ZNF185: variants seen among roughly 807,000 people sequenced by gnomAD.
The protein encoded by ZNF185 is zinc finger protein 185 with LIM domain, also known as zinc finger protein 185.
ZNF185 carries 56 observed loss-of-function variants against 58.6 expected under a neutral mutation model. The ratio of observed to expected loss-of-function variants is 0.95; its 90% confidence interval spans 0.77 to 1.19. The LOEUF is 1.19. ZNF185 is among the 50% of genes most tolerant of loss of function. ZNF185 has a pLI of 0.00. For synonymous variants in ZNF185, 230 were observed against 215.9 expected (o/e 1.07, Z -0.57); for missense variants, 627 against 573.5 (o/e 1.09, Z -0.95).
At chrX:152,911,377 C>G (rs1442523836), upstream of ZNF185, among the ~76,000 whole-genome samples, 1 of 111,249 alleles carries the variant, frequency 9.0e-6, no homozygotes, top group Non-Finnish European at 1.9e-5. Context: ...TGATTTTGCT[C>G]CCAGTCTTAG....
At chrX:152,938,640 G>C (rs1274973016) in intron 15 of ZNF185, among the ~76,000 whole-genome samples, 2 of 111,193 alleles carry the variant, frequency 1.8e-5, no homozygotes, top group African/African-American at 6.6e-5. Flanking sequence ...AGTGAACTAG[G>C]TAGGGCTTGA....
intron 7 of ZNF185, 75 bp from the exon 9 acceptor site, chrX:152,920,253 C>G (rs1373887630): frequency 4.6e-6 from 5 of 1,088,415 alleles, no homozygotes; most frequent in Non-Finnish European, 6.2e-6. Context: ...CACCCCGAGT[C>G]CATCCCAGGC....
exon 13 of ZNF185, chrX:152,931,752 G>A (rs1459705806): frequency 6.6e-6 from 8 of 1,208,037 alleles, no homozygotes; most frequent in Non-Finnish European, 8.9e-6. Flanking sequence ...GAGGCTTTCA[G>A]GGCCCCCAAC....
At chrX:152,943,276 G>A (rs2047437058) in intron 15 of ZNF185, among the ~76,000 whole-genome samples, 1 of 111,871 alleles carries the variant, frequency 8.9e-6, no homozygotes, top group Admixed American at 9.5e-5. Context: ...AATTACAGGC[G>A]TGAACCACTA....
intron 14 of ZNF185, among the ~76,000 whole-genome samples, chrX:152,937,244 T>C (rs1159191713): frequency 8.9e-6 from 1 of 111,818 alleles, no homozygotes; most frequent in Non-Finnish European, 1.9e-5. Context: ...ACTCGAGAGA[T>C]AGCAGGTAAA....
chrX:152,936,602 C>A, intron 14 of ZNF185, 89 bp downstream of exon 16: 1 of 818,984 alleles, frequency 1.2e-6, no homozygotes, highest in Non-Finnish European at 1.7e-6. Context: ...CCCAGGATCC[C>A]CCTCGAACTT....
intron 16 of ZNF185, among the ~76,000 whole-genome samples, chrX:152,957,698 G>A (rs1173336580): frequency 8.9e-6 from 1 of 112,172 alleles, no homozygotes; most frequent in Non-Finnish European, 1.9e-5. Context: ...CAGCTTGCTG[G>A]GCCATCTTGA....
intron 17 of ZNF185, 133 bp from the exon 20 acceptor site, chrX:152,963,706 G>T (rs781827159): frequency 2.2e-4 from 111 of 506,287 alleles, no homozygotes; most frequent in Non-Finnish European, 1.9e-4. Flanking sequence ...TGTAAAGTGA[G>T]AAGTTCCATT....
intron 18 of ZNF185, among the ~76,000 whole-genome samples, chrX:152,965,175 T>C (rs2049979392): frequency 8.9e-6 from 1 of 112,012 alleles, no homozygotes; most frequent in Non-Finnish European, 1.9e-5. Context: ...GTCACCGAGG[T>C]CTGCATGGAG....
chrX:152,905,235 T>C, the ZNF185 span, among the ~76,000 whole-genome samples: 24 of 112,900 alleles, frequency 2.1e-4, no homozygotes, highest in Admixed American at 2.2e-3. Context: ...TCTCAGCATC[T>C]GTTTCTGCTG....
At chrX:152,920,602 A>G in intron 8 of ZNF185, 105 bp from the exon 10 acceptor site, 2 of 1,064,172 alleles carry the variant, frequency 1.9e-6, no homozygotes, top group Non-Finnish European at 2.6e-6. Flanking sequence ...GGGACAGTGA[A>G]GTGCCGGGAA....
chrX:152,957,073 ATT>A (rs34728203), intron 16 of ZNF185, among the ~76,000 whole-genome samples: 5,250 of 97,341 alleles, frequency 0.054, 382 homozygotes, highest in African/African-American at 0.19. Context: ...TACAAGGTTA[ATT>A]TTTTTTTTTT....
At chrX:152,934,976 AC>A (rs2046093868) in intron 14 of ZNF185, among the ~76,000 whole-genome samples, 1 of 111,050 alleles carries the variant, frequency 9.0e-6, no homozygotes, top group African/African-American at 3.3e-5. Context: ...GGCGTGGACC[AC>A]CACGCCTGGC....
At chrX:152,951,095 T>TTTTG (rs2048260804) in intron 16 of ZNF185, among the ~76,000 whole-genome samples, 1 of 104,094 alleles carries the variant, frequency 9.6e-6, no homozygotes, top group Non-Finnish European at 2.0e-5. Flanking sequence ...ATTTTTTTTT[T>TTTTG]TTTTTTTTGA....
chrX:152,915,161 G>T (rs782773367), exon 3 of ZNF185: 2 of 1,210,484 alleles, frequency 1.7e-6, no homozygotes. Flanking sequence ...GGCCGGAGTC[G>T]CGCCACATCC....
intron 14 of ZNF185, 77 bp from the exon 16 acceptor site, chrX:152,936,341 G>T: frequency 1.1e-6 from 1 of 871,474 alleles, no homozygotes. Context: ...TGGGGGGCAG[G>T]ATCCACTTTC....
chrX:152,917,225 A>G, intron 4 of ZNF185, 56 bp downstream of exon 5: 3 of 1,210,547 alleles, frequency 2.5e-6, no homozygotes, highest in Non-Finnish European at 3.4e-6. Flanking sequence ...CCAAGCCCTG[A>G]CTTCTTACCC....
At chrX:152,907,232 C>A in the ZNF185 span, among the ~76,000 whole-genome samples, 1 of 111,336 alleles carries the variant, frequency 9.0e-6, no homozygotes, top group Non-Finnish European at 1.9e-5. Flanking sequence ...GCTCCTCCAG[C>A]GCACGGGAAT....
chrX:152,962,148 T>A (rs1278960034), intron 17 of ZNF185, among the ~76,000 whole-genome samples: 1 of 110,987 alleles, frequency 9.0e-6, no homozygotes, highest in Non-Finnish European at 1.9e-5. Context: ...GCCTGAACAA[T>A]GAGCCCTGTG....
Sources: gnomAD v4.1 joint callset for allele counts (sites outside exome capture counted in the v4.1 genomes callset) on GRCh38, gnomAD v4.1.1 for gene constraint, MANE v1.5 for transcripts, NCBI Gene and HGNC (gene_info 2026-07-23, HGNC 2026-07-21) for gene names.